Variants in ARFGEF1 observed in about 807,000 individuals in gnomAD.
ARFGEF1 encodes the protein ARF guanine nucleotide exchange factor 1.
A neutral mutation model predicts 231.0 loss-of-function variants in ARFGEF1; 42 were observed. That is an observed-to-expected ratio of 0.18 (90% CI 0.14 to 0.24). The LOEUF is 0.24. Among genes scored for constraint, ARFGEF1 ranks in the 10% least tolerant of loss-of-function variants. The pLI is 1.00. For synonymous variants in ARFGEF1, 710 were observed against 732.3 expected, an observed-to-expected ratio of 0.97 and a Z score of 0.49; for missense variants, 1,345 against 2,192.0, an observed-to-expected ratio of 0.61 and a Z score of 7.72.
intron 15 of ARFGEF1, among the ~76,000 whole-genome samples, chr8:67,259,191 A>G (rs1840562701): frequency 1.3e-5 from 2 of 152,152 alleles, no homozygotes; most frequent in African/African-American, 4.8e-5. Flanking sequence ...ATGGCTACGG[A>G]GGACCAATTA....
Position 67,343,302 on chromosome 8 carries a change from A to G in ARFGEF1, c.-15T>C. On this transcript the variant is annotated 5_prime_UTR_variant, in exon 1 of 39. Coordinates refer to ENST00000262215, the MANE Select transcript of ARFGEF1 (RefSeq NM_006421.5). ...CCCTCATACATGGACGCAGAGAAGG[A>G]GGCGGCGGCTCGTCCGACCCGCGGC... 5 of 1,609,778 alleles carry G rather than the reference A, an allele frequency of 3.1e-6. No individual in the cohort carries two copies. Among genetic ancestry groups the G allele is most frequent in the Non-Finnish European group, 4.2e-6 (5 of 1,177,202 alleles).
intron 27 of ARFGEF1, among the ~76,000 whole-genome samples, chr8:67,226,595 C>T (rs889157975): frequency 2.0e-5 from 3 of 151,948 alleles, no homozygotes; most frequent in East Asian, 1.9e-4. Context: ...TAAGCAAGCA[C>T]GCAATAAATG....
At chr8:67,301,498 C>G in intron 2 of ARFGEF1, 118 bp from the exon 3 acceptor site, 1 of 1,107,562 alleles carries the variant, frequency 9.0e-7, no homozygotes, top group Non-Finnish European at 1.3e-6. Flanking sequence ...AGTCCTCTAT[C>G]TTCCCATATT....
chr8:67,211,417 A>G lies in ARFGEF1; in HGVS notation c.4819+66T>C, dbSNP rs898592683. ...ATATGCTTGTTAATAATAAAAGTAAAACCAAAAATGTTAACCCTTTCCTAC... is the reference window on the plus strand; with the variant it reads ...ATATGCTTGTTAATAATAAAAGTAAGACCAAAAATGTTAACCCTTTCCTAC... On this transcript the variant is annotated intron_variant, in intron 34 of 38. Coordinates refer to ENST00000262215, the MANE Select transcript of ARFGEF1 (RefSeq NM_006421.5). 1.6e-5 allele frequency: 21 copies of G among 1,305,310 alleles called. No homozygotes were observed. In the East Asian group the frequency reaches 4.5e-4, roughly 28 times the overall value. 80.9% of individuals were successfully genotyped at this position (1,305,310 alleles called of 1,614,324 possible).
intron 7 of ARFGEF1, among the ~76,000 whole-genome samples, chr8:67,285,988 G>GA (rs934076009): frequency 7.3e-5 from 11 of 150,708 alleles, no homozygotes; most frequent in African/African-American, 2.4e-4. Context: ...ATTTAGAAAA[G>GA]AAAAAAAAGG....
At chr8:67,303,696 AGAGT>A (rs1806605530) in intron 1 of ARFGEF1, among the ~76,000 whole-genome samples, 1 of 151,878 alleles carries the variant, frequency 6.6e-6, no homozygotes, top group Non-Finnish European at 1.5e-5. Context: ...CCTCAGCGAC[AGAGT>A]GAGACTCCAT....
At chr8:67,195,660 T>C (rs1256754801), downstream of ARFGEF1, 4 of 1,395,542 alleles carry the variant, frequency 2.9e-6, no homozygotes, top group Non-Finnish European at 3.0e-6. Flanking sequence ...GTACCTTTAA[T>C]ATGTCCTACT....
At chr8:67,190,676 A>T in intron 5 of ARFGEF1, 4 of 1,614,142 alleles carry the variant, frequency 2.5e-6, no homozygotes, top group Non-Finnish European at 3.4e-6. Context: ...ATATCCTGCC[A>T]TTGAAGATGA....
chr8:67,314,585 C>T (rs541025370), intron 1 of ARFGEF1, among the ~76,000 whole-genome samples: 3 of 152,280 alleles, frequency 2.0e-5, no homozygotes, highest in Non-Finnish European at 2.9e-5. Flanking sequence ...GTCTCCCTTT[C>T]CCACTTCTGC....
intron 7 of ARFGEF1, among the ~76,000 whole-genome samples, chr8:67,278,643 C>T (rs1025588351): frequency 1.3e-5 from 2 of 151,876 alleles, no homozygotes; most frequent in East Asian, 1.9e-4. Context: ...GTCAGGAGTT[C>T]GAGACTAGCC....
Position 67,271,738 on chromosome 8 carries a change from C to T in ARFGEF1, c.1536G>A (p.Leu512=), listed in dbSNP as rs1216325416. ...ELSLSIFLTL[L]SNFKTHLKMQ... is the part of the protein sequence containing the mutation. Reference sequence around the variant, plus strand: ...TCTTCAGATGTGTCTTGAAATTTGACAACAAAGTAAGAAATATAGAAAGAG... The same window carrying T: ...TCTTCAGATGTGTCTTGAAATTTGATAACAAAGTAAGAAATATAGAAAGAG... Residue 512 remains leucine, a synonymous_variant, in exon 10 of 39, where the codon TTG becomes TTA. Coordinates refer to ENST00000262215, the MANE Select transcript of ARFGEF1 (RefSeq NM_006421.5). 2 of 1,613,086 alleles carry T rather than the reference C, an allele frequency of 1.2e-6. No homozygotes were observed.
chr8:67,219,329 A>T, intron 30 of ARFGEF1, 102 bp downstream of exon 30: 1 of 1,375,598 alleles, frequency 7.3e-7, no homozygotes, highest in Non-Finnish European at 9.7e-7. Flanking sequence ...ATTTTCTAGG[A>T]ATTCTTTTCT....
At chr8:67,260,810 AG>A (rs1433161254) in intron 14 of ARFGEF1, among the ~76,000 whole-genome samples, 1 of 152,208 alleles carries the variant, frequency 6.6e-6, no homozygotes, top group Non-Finnish European at 1.5e-5. Context: ...AGCCAAACCA[AG>A]TTGTGAATGC....
chr8:67,195,798 T>C (rs1241023482), downstream of ARFGEF1: 6 of 533,494 alleles, frequency 1.1e-5, no homozygotes, highest in Non-Finnish European at 1.7e-5. Context: ...TTGTATAGAT[T>C]ATTTTTGCAC....
chr8:67,241,487 T>G (rs1039676396), intron 19 of ARFGEF1, among the ~76,000 whole-genome samples: 2 of 152,062 alleles, frequency 1.3e-5, no homozygotes, highest in African/African-American at 4.8e-5. Flanking sequence ...AAAAAAAATG[T>G]TTAACTCCTT....
At chr8:67,321,322 G>A (rs552586191) in intron 1 of ARFGEF1, among the ~76,000 whole-genome samples, 2 of 152,258 alleles carry the variant, frequency 1.3e-5, no homozygotes, top group African/African-American at 4.8e-5. Context: ...AGCAAAATAG[G>A]TTGCCTACAT....
At chr8:67,331,849 C>G (rs965751794) in intron 1 of ARFGEF1, among the ~76,000 whole-genome samples, 7 of 152,132 alleles carry the variant, frequency 4.6e-5, no homozygotes, top group African/African-American at 1.7e-4. Flanking sequence ...TTATTTGTAC[C>G]TAGCACAGGT....
chr8:67,292,723 T>C (rs113794979), intron 5 of ARFGEF1, among the ~76,000 whole-genome samples: 3,499 of 152,212 alleles, frequency 0.023, 88 homozygotes, highest in South Asian at 0.047. Flanking sequence ...ATGTATATAA[T>C]ACTATCTGTA....
rs750574930 is a variant in ARFGEF1 at position 67,299,396 on chromosome 8, C to T, written c.313-41G>A. On this transcript the variant is annotated intron_variant, in intron 3 of 38. Transcript: ENST00000262215. ...AAAACAAAGATCCTAAGTAAGGTAACAAATATTATACATACTAATGCAATA... is the reference window on the plus strand; with the variant it reads ...AAAACAAAGATCCTAAGTAAGGTAATAAATATTATACATACTAATGCAATA... 8 of 1,548,986 alleles carry T rather than the reference C, an allele frequency of 5.2e-6. No individual in the cohort carries two copies. In the South Asian group the frequency reaches 7.1e-5, roughly 14 times the overall value.
Sources: gnomAD v4.1 joint callset for allele counts (sites outside exome capture counted in the v4.1 genomes callset) on GRCh38, gnomAD v4.1.1 for gene constraint, MANE v1.5 for transcripts, NCBI Gene and HGNC (gene_info 2026-07-23, HGNC 2026-07-21) for gene names.